The following ADAP1 variants were observed in gnomAD, a reference collection of about 807,000 sequenced individuals.
ADAP1 encodes the protein ArfGAP with dual PH domains 1, also known as arf-GAP with dual PH domain-containing protein 1.
Under a neutral mutation model 54.9 loss-of-function variants are expected in ADAP1, and 31 were observed. The ratio of observed to expected loss-of-function variants is 0.56; its 90% confidence interval spans 0.42 to 0.76. ADAP1 has a LOEUF of 0.76. Ranked by LOEUF, ADAP1 falls within the 30% of genes least tolerant of loss-of-function variation. The pLI, the probability that ADAP1 is intolerant of heterozygous loss-of-function variation, is 0.00. For synonymous variants in ADAP1, 313 were observed against 202.6 expected (o/e 1.55, Z -4.63); for missense variants, 535 against 512.4 (o/e 1.04, Z -0.42).
chr7:941,825 T>C (rs968926198), intron 1 of ADAP1, among the ~76,000 whole-genome samples: 1 of 152,118 alleles, frequency 6.6e-6, no homozygotes, highest in African/African-American at 2.4e-5. Context: ...GCAAAGGACC[T>C]AGAATAGCTA....
chr7:935,620 G>C, intron 1 of ADAP1, 115 bp from the exon 2 acceptor site: 1 of 1,364,520 alleles, frequency 7.3e-7, no homozygotes, highest in Non-Finnish European at 9.9e-7. Context: ...CTTCAGCGGA[G>C]ACCCCCGGGT....
intron 2 of ADAP1, among the ~76,000 whole-genome samples, chr7:931,788 A>AC (rs1187929537): frequency 6.7e-6 from 1 of 148,684 alleles, no homozygotes; most frequent in South Asian, 2.2e-4. Context: ...AAAAAAAAAA[A>AC]CATAAAATGT....
rs746490344 is a variant in ADAP1, at chr7:905,024, G to A, written c.501+36C>T. ...TGTGGGAGGCCGGGATGCCGCCCTG[G>A]GACAGGCCCCCACCCCACCCCCGTC... On this transcript the variant is annotated intron_variant, in intron 5 of 10. Transcript: ENST00000265846. The A allele has an allele frequency of 3.2e-6, 5 of 1,578,758 alleles. No individual in the cohort carries two copies. The East Asian group carries it at 6.7e-5, about 21-fold the overall frequency.
intron 5 of ADAP1, 22 bp downstream of exon 5, chr7:905,038 C>A (rs746072377): frequency 8.1e-6 from 13 of 1,600,410 alleles, no homozygotes; most frequent in Non-Finnish European, 9.4e-6. Context: ...AGGCCCCCAC[C>A]CCACCCCCGT....
At chr7:905,420 A>AAAGGAGAAAGGAGAAAGG (rs1845123656) in intron 4 of ADAP1, 1 of 88,974 alleles carries the variant, frequency 1.1e-5, no homozygotes, top group East Asian at 4.2e-4. Context: ...AGGGAGAAAG[A>AAAGGAGAAAGGAGAAAGG]GAAAGGAGAA....
chr7:926,889 AG>A lies in ADAP1; in HGVS notation c.214-246del. On this transcript the variant is annotated intron_variant, in intron 2 of 10. Transcript: ENST00000265846. This position sits in a 1 kb window ranked among gnomAD's most constrained non-coding sequence, Gnocchi z 4.6. ...GACGGGGTCCCGGCAAAGGGGGCCC[AG>A]GGGCCAGGCCCCTTTTGAGGATGGG... 9.9e-7 allele frequency: 1 copy of A among 1,011,370 alleles called. No individual in the cohort carries two copies. The highest frequency in any genetic ancestry group is 1.4e-6 in the Non-Finnish European group (1 of 738,318). The allele number at this position is 1,011,370 out of a possible 1,614,324, so 62.6% of individuals were successfully genotyped here.
rs1273256163 is a variant in ADAP1, at chr7:938,655, C to T, written c.83-3150G>A. 2.0e-5 allele frequency among the ~76,000 whole-genome samples: 3 copies of T among 152,160 alleles called. No individual in the cohort carries two copies. The highest frequency in any genetic ancestry group is 2.0e-4 in the Admixed American group (3 of 15,278). On this transcript the variant is annotated intron_variant, in intron 1 of 10. Transcript: ENST00000265846. This position sits in a 1 kb window ranked among gnomAD's most constrained non-coding sequence, Gnocchi z 4.4. ...TGCGAGGGGCGCCCAGAAGGCACGC[C>T]AGTCTCCGGGCCTCGGTCTCCTCAT...
chr7:899,544 C>T, intron 8 of ADAP1, 54 bp from the exon 9 acceptor site: 2 of 1,577,422 alleles, frequency 1.3e-6, no homozygotes, highest in Non-Finnish European at 1.7e-6. Flanking sequence ...GGCCCTACAT[C>T]CAGCTGACCA....
rs141244581 is a variant in ADAP1 at position 935,410 on chromosome 7, C to G, written c.178G>C (p.Val60Leu). 3.0e-4 allele frequency: 470 copies of G among 1,560,668 alleles called. 2 individuals are homozygous for G. The highest frequency in any genetic ancestry group is 3.7e-4 in the Non-Finnish European group (422 of 1,152,170). Residue 60 changes from valine (V) to leucine (L), a missense_variant, in exon 2 of 11, where the codon GTC becomes CTC. Transcript: ENST00000265846. ...GCCTCCTCCCAGGCGTCCAGGCGGA[C>G]GGACTTCACCTTGCTGACCTGGGGG... Reference protein sequence around the residue: ...NIPQVSKVKSVRLDAWEEAQV... With the variant: ...NIPQVSKVKSLRLDAWEEAQV...
intron 6 of ADAP1, among the ~76,000 whole-genome samples, chr7:902,550 C>G (rs765015013): frequency 6.6e-6 from 1 of 150,604 alleles, no homozygotes; most frequent in Non-Finnish European, 1.5e-5. Flanking sequence ...ACAGCAGAAA[C>G]AAAACCCTCA....
At chr7:931,961 T>C (rs1034317455) in intron 2 of ADAP1, among the ~76,000 whole-genome samples, 10 of 152,108 alleles carry the variant, frequency 6.6e-5, no homozygotes, top group African/African-American at 1.9e-4. Flanking sequence ...CCAAGGGGCC[T>C]GAGTGCAGGG....
chr7:898,731 TG>T lies in ADAP1; in HGVS notation c.*189del. ...GGGGTTAGAGATCAGGCCCAGGGCCTGGGCTGCCTGCCTTGAGGTTCCAGAG... is the reference window on the plus strand; with the variant it reads ...GGGGTTAGAGATCAGGCCCAGGGCCTGGCTGCCTGCCTTGAGGTTCCAGAG... On this transcript the variant is annotated 3_prime_UTR_variant, in exon 11 of 11. Transcript: ENST00000265846. The T allele has an allele frequency of 1.4e-6, 1 of 710,950 alleles. No homozygotes were observed. The highest frequency in any genetic ancestry group is 2.4e-6 in the Non-Finnish European group (1 of 424,034). 44.0% of individuals were successfully genotyped at this position (710,950 alleles called of 1,614,324 possible). A position where few individuals can be genotyped will look rare whatever the true frequency, so the allele number is the denominator to read the frequency against.
At chr7:928,503 C>T (rs1283520526) in intron 2 of ADAP1, among the ~76,000 whole-genome samples, 1 of 152,232 alleles carries the variant, frequency 6.6e-6, no homozygotes, top group Non-Finnish European at 1.5e-5. Flanking sequence ...TGGTCTCAAA[C>T]TCCTGGGCTC....
chr7:905,764 A>AAAGGAGAAAGGAGAAAGG (rs1467833552), intron 4 of ADAP1: 1 of 18,624 alleles, frequency 5.4e-5, no homozygotes, highest in Admixed American at 6.7e-4. Context: ...GGGAGAAGGG[A>AAAGGAGAAAGGAGAAAGG]GAAAGGAGAA....
chr7:931,039 G>A (rs1313204582), intron 2 of ADAP1, among the ~76,000 whole-genome samples: 4 of 147,418 alleles, frequency 2.7e-5, no homozygotes, highest in African/African-American at 9.9e-5. Context: ...CGGAGGGACT[G>A]AGGGAGGGAG....
chr7:917,614 G>A (rs1033081155), intron 4 of ADAP1, among the ~76,000 whole-genome samples: 7 of 152,050 alleles, frequency 4.6e-5, no homozygotes, highest in Non-Finnish European at 8.8e-5. Flanking sequence ...ACAGGCACCT[G>A]CCACCACACC....
At chr7:907,030 G>A (rs925306036) in intron 4 of ADAP1, among the ~76,000 whole-genome samples, 8 of 152,090 alleles carry the variant, frequency 5.3e-5, no homozygotes, top group Non-Finnish European at 7.4e-5. Context: ...CGTGCTGCCC[G>A]GGAGGACCAG....
At position 904,931 on chromosome 7, in the gene ADAP1, G is replaced by A. The variant is rs527953763; in HGVS notation, c.501+129C>T. 3.6e-4 allele frequency: 283 copies of A among 785,600 alleles called. 1 individual carries two copies. The highest frequency in any genetic ancestry group is 2.8e-3 in the African/African-American group (162 of 58,438). 48.7% of individuals were successfully genotyped at this position (785,600 alleles called of 1,614,324 possible). ...AGCCCAACACAGGCCGGTTCTCCTGGAGCGTCCCCATCGGGGGGGGCAGCA... is the reference window on the plus strand; with the variant it reads ...AGCCCAACACAGGCCGGTTCTCCTGAAGCGTCCCCATCGGGGGGGGCAGCA... On this transcript the variant is annotated intron_variant, in intron 5 of 10. Transcript: ENST00000265846.
chr7:932,514 G>A (rs531028491), intron 2 of ADAP1, among the ~76,000 whole-genome samples: 1 of 152,304 alleles, frequency 6.6e-6, no homozygotes, highest in African/African-American at 2.4e-5. Context: ...AGGAGTGATG[G>A]CAGAGCAACT....
Sources: gnomAD v4.1 joint callset for allele counts (sites outside exome capture counted in the v4.1 genomes callset) on GRCh38, gnomAD v4.1.1 for gene constraint, Gnocchi (gnomAD v3.1) non-coding constraint, MANE v1.5 for transcripts, NCBI Gene and HGNC (gene_info 2026-07-23, HGNC 2026-07-21) for gene names.